CHMP4C: variants seen among roughly 807,000 people sequenced by gnomAD.
CHMP4C encodes the protein charged multivesicular body protein 4C, also known as SNF7 homolog associated with Alix 3.
CHMP4C carries 28 observed loss-of-function variants against 29.0 expected under a neutral mutation model. The observed-to-expected ratio is 0.97, with a 90% CI of 0.72 to 1.32. The LOEUF (loss-of-function observed/expected upper bound fraction) is 1.32. Ranked by LOEUF, CHMP4C falls within the 40% of genes most tolerant of loss-of-function variation. The pLI is 0.00. For synonymous variants in CHMP4C, 106 were observed against 102.4 expected, an observed-to-expected ratio of 1.04 and a Z score of -0.21; for missense variants, 291 against 281.0, an observed-to-expected ratio of 1.04 and a Z score of -0.25.
Position 81,737,337 on chromosome 8 carries a change from T to C in CHMP4C, c.190+4521T>C, listed in dbSNP as rs1430760564. Among the ~76,000 whole-genome samples the C allele has an allele frequency of 2.0e-5, 3 of 152,144 alleles. No individual in the cohort carries two copies. In the East Asian group the frequency reaches 5.8e-4, roughly 29 times the overall value. The stretch of plus-strand genomic sequence containing the variant: ...CTGACCTGTGGGCCAGGGTTAAGGA[T>C]GGGAAGCCTAAATCCATAGGAATGT... On this transcript the variant is annotated intron_variant, in intron 1 of 4. Coordinates refer to ENST00000297265, the MANE Select transcript of CHMP4C (RefSeq NM_152284.4).
chr8:81,744,816 A>G (rs904091426), intron 1 of CHMP4C, among the ~76,000 whole-genome samples: 1 of 152,172 alleles, frequency 6.6e-6, no homozygotes, highest in African/African-American at 2.4e-5. Flanking sequence ...TTGTCCCTCC[A>G]GTGCCTAACA....
chr8:81,737,356 G>A (rs1364112739), intron 1 of CHMP4C, among the ~76,000 whole-genome samples: 6 of 152,016 alleles, frequency 3.9e-5, no homozygotes, highest in Non-Finnish European at 8.8e-5. Context: ...TAAATCCATA[G>A]GAATGTTAAT....
chr8:81,753,070 T>G lies in CHMP4C; in HGVS notation c.197T>G (p.Leu66Ter). 2 of 1,606,844 alleles carry G rather than the reference T, an allele frequency of 1.2e-6. No individual in the cohort carries two copies. The highest frequency in any genetic ancestry group is 1.7e-6 in the Non-Finnish European group (2 of 1,176,998). The change falls in exon 2 of 5, where the codon TTA (leucine) becomes TGA (stop). Residue 66 changes from leucine (L) to a stop codon, truncating the protein, a stop_gained. Coordinates refer to ENST00000297265, the MANE Select transcript of CHMP4C (RefSeq NM_152284.4). LOFTEE classifies it high-confidence loss of function. ...KHGTQNKRAA[L>*]QALKRKKRFE... ...TGGCTTCTCTCTTATTTAGCTGCAT[T>G]ACAGGCACTAAAGAGAAAGAAGAGG...
rs1004315040 is a variant in CHMP4C at position 81,741,910 on chromosome 8, A to C, written c.190+9094A>C. 8.5e-5 allele frequency among the ~76,000 whole-genome samples: 13 copies of C among 152,262 alleles called. No individual in the cohort carries two copies. In the East Asian group the frequency reaches 2.5e-3, roughly 29 times the overall value. ...TGCAGAAGAAGAAAAAATAAAATTA[A>C]AACAAACAAAAGTCTGAATTAAATA... On this transcript the variant is annotated intron_variant, in intron 1 of 4. Transcript: ENST00000297265.
chr8:81,746,960 T>C (rs1808832719), intron 1 of CHMP4C, among the ~76,000 whole-genome samples: 1 of 152,208 alleles, frequency 6.6e-6, no homozygotes, highest in African/African-American at 2.4e-5. Flanking sequence ...TGCTATTTCA[T>C]TTACTTCTCA....
chr8:81,736,875 A>G (rs1032072763), intron 1 of CHMP4C, among the ~76,000 whole-genome samples: 1 of 152,230 alleles, frequency 6.6e-6, no homozygotes. Flanking sequence ...ATTACAACTC[A>G]TTACTACTCA....
intron 1 of CHMP4C, among the ~76,000 whole-genome samples, chr8:81,746,941 T>C (rs1056978355): frequency 5.3e-5 from 8 of 152,202 alleles, no homozygotes; most frequent in Non-Finnish European, 1.0e-4. Flanking sequence ...GAACGAAACA[T>C]TTTATGAATG....
At chr8:81,736,187 G>A (rs1204445915) in intron 1 of CHMP4C, among the ~76,000 whole-genome samples, 8 of 151,526 alleles carry the variant, frequency 5.3e-5, no homozygotes, top group Non-Finnish European at 1.0e-4. Context: ...ACAGGGTCTC[G>A]CTTTGTCACT....
At chr8:81,742,291 C>T (rs1197033929) in intron 1 of CHMP4C, among the ~76,000 whole-genome samples, 2 of 152,074 alleles carry the variant, frequency 1.3e-5, no homozygotes, top group Non-Finnish European at 2.9e-5. Flanking sequence ...AACAAACAAG[C>T]CCCAAAAAAG....
chr8:81,744,643 A>G (rs1808800991), intron 1 of CHMP4C, among the ~76,000 whole-genome samples: 1 of 152,162 alleles, frequency 6.6e-6, no homozygotes, highest in Non-Finnish European at 1.5e-5. Context: ...TCTCCTCTAC[A>G]TCTTCTCTAC....
At chr8:81,734,163 A>T (rs1018450937) in intron 1 of CHMP4C, among the ~76,000 whole-genome samples, 3 of 152,222 alleles carry the variant, frequency 2.0e-5, no homozygotes, top group African/African-American at 7.2e-5. Context: ...CCATGTCATT[A>T]TGGCTTGCTA....
chr8:81,750,446 TA>T (rs60937204), intron 1 of CHMP4C, among the ~76,000 whole-genome samples: 24 of 142,256 alleles, frequency 1.7e-4, no homozygotes, highest in Non-Finnish European at 1.7e-4. Flanking sequence ...ACAAAAAAAT[TA>T]AAAAAAAAAA....
rs770660303 is a variant in CHMP4C, at chr8:81,758,593, T to C, written c.*49T>C. ...AAATTAATGAGCTATAGATAAAATA[T>C]AAAAAATGTTTTTACCAAGTTCAGA... On this transcript the variant is annotated 3_prime_UTR_variant, in exon 5 of 5. Coordinates refer to ENST00000297265, the MANE Select transcript of CHMP4C (RefSeq NM_152284.4). 7 of 1,235,106 alleles carry C rather than the reference T, an allele frequency of 5.7e-6. No individual in the cohort carries two copies. The highest frequency in any genetic ancestry group is 8.3e-6 in the Non-Finnish European group (7 of 845,668). 76.5% of individuals were successfully genotyped at this position (1,235,106 alleles called of 1,614,324 possible). A position where few individuals can be genotyped will look rare whatever the true frequency, so the allele number is the denominator to read the frequency against.
chr8:81,732,601 TC>T lies in CHMP4C; in HGVS notation c.-25del. 6.6e-7 allele frequency: 1 copy of T among 1,512,984 alleles called. No individual in the cohort carries two copies. The highest frequency in any genetic ancestry group is 2.2e-5 in the Admixed American group (1 of 45,528). 93.7% of individuals were successfully genotyped at this position (1,512,984 alleles called of 1,614,324 possible). A position where few individuals can be genotyped will look rare whatever the true frequency, so the allele number is the denominator to read the frequency against. ...GGGAGCTCCCGAGAGGCCCCCGGGA[TC>T]GCTGGCCCTCCGAACTCCACAGCAA... On this transcript the variant is annotated 5_prime_UTR_variant, in exon 1 of 5. It adds an upstream start codon to the 5' untranslated region. Transcript: ENST00000297265.
intron 1 of CHMP4C, among the ~76,000 whole-genome samples, chr8:81,736,380 C>G (rs1259969665): frequency 1.3e-5 from 2 of 151,880 alleles, no homozygotes; most frequent in South Asian, 2.1e-4. Flanking sequence ...AGGCTGGTCT[C>G]AAACTCCTGG....
At chr8:81,747,459 C>A (rs1175548766) in intron 1 of CHMP4C, among the ~76,000 whole-genome samples, 1 of 151,974 alleles carries the variant, frequency 6.6e-6, no homozygotes. Flanking sequence ...GAAGATTCCA[C>A]TTCCGGGTAT....
chr8:81,735,955 G>A (rs1055102362), intron 1 of CHMP4C, among the ~76,000 whole-genome samples: 4 of 151,854 alleles, frequency 2.6e-5, no homozygotes, highest in African/African-American at 9.7e-5. Context: ...ATGTGGTGGA[G>A]CGTGTCTGTA....
chr8:81,736,043 G>A (rs1053567159), intron 1 of CHMP4C, among the ~76,000 whole-genome samples: 5 of 151,682 alleles, frequency 3.3e-5, no homozygotes, highest in Non-Finnish European at 5.9e-5. Flanking sequence ...CAGAGATCGC[G>A]CCATTGCACT....
At chr8:81,734,455 C>T (rs1287461192) in intron 1 of CHMP4C, among the ~76,000 whole-genome samples, 5 of 139,236 alleles carry the variant, frequency 3.6e-5, no homozygotes, top group Admixed American at 7.1e-5. Context: ...CTCAGCCTCC[C>T]GAGTCGCTGG....
Sources: gnomAD v4.1 joint callset for allele counts (sites outside exome capture counted in the v4.1 genomes callset) on GRCh38, gnomAD v4.1.1 for gene constraint, MANE v1.5 for transcripts, NCBI Gene and HGNC (gene_info 2026-07-23, HGNC 2026-07-21) for gene names.